TTLL6: variants seen among roughly 807,000 people sequenced by gnomAD.
The protein encoded by TTLL6 is tubulin polyglutamylase TTLL6.
In TTLL6, 75 loss-of-function variants were observed where a neutral mutation model predicts 96.4. The observed-to-expected ratio is 0.78, with a 90% CI of 0.65 to 0.94. TTLL6 has a LOEUF of 0.94. Ranked by LOEUF, TTLL6 falls within the 40% of genes least tolerant of loss-of-function variation. The pLI is 0.00. For synonymous variants in TTLL6, 411 were observed against 419.4 expected (o/e 0.98, Z 0.24); for missense variants, 1,030 against 1,093.0 (o/e 0.94, Z 0.81).
At chr17:48,802,118 GAAAGAAAGAAAGAAAGAAAGAAAGAAAGA>G (rs1567733665) in intron 3 of TTLL6, among the ~76,000 whole-genome samples, 4 of 127,506 alleles carry the variant, frequency 3.1e-5, no homozygotes, top group African/African-American at 1.0e-4. Context: ...AAGAAAGAAA[GAAAGAAAGAAAGAAAGAAAGAAAGAAAGA>G]AAGAAAATAA....
intron 13 of TTLL6, among the ~76,000 whole-genome samples, chr17:48,778,283 GA>G (rs200522144): frequency 0.38 from 43,340 of 114,624 alleles, 6,468 homozygotes; most frequent in Admixed American, 0.48. Context: ...TCTCAAAAAA[GA>G]AAAAAAAAAA....
At chr17:48,815,907 C>A (rs1485775615) in intron 1 of TTLL6, 1 of 152,140 alleles carries the variant, frequency 6.6e-6, no homozygotes, top group Non-Finnish European at 1.5e-5. Context: ...TCATTTTCTC[C>A]ACAATATTCA....
Position 48,791,375 on chromosome 17 carries a change from T to C in TTLL6, c.1224+3A>G. 6.2e-7 allele frequency: 1 copy of C among 1,613,838 alleles called. No individual in the cohort carries two copies. Among genetic ancestry groups the C allele is most frequent in the Non-Finnish European group, 8.5e-7 (1 of 1,179,848 alleles). Reference sequence around the variant, plus strand: ...TTTTCGCCCCTCGCCCAAACTTCCCTACCTCCAGCAGCCAGGGTTTGAGTT... The same window carrying C: ...TTTTCGCCCCTCGCCCAAACTTCCCCACCTCCAGCAGCCAGGGTTTGAGTT... On this transcript the variant is annotated splice_donor_region_variant and intron_variant, in intron 9 of 15. Coordinates refer to ENST00000393382, the MANE Select transcript of TTLL6 (RefSeq NM_001130918.3).
rs142747323 is a variant in TTLL6, at chr17:48,770,033, G to A, written c.2105C>T (p.Pro702Leu). The change falls in exon 14 of 16, where the codon CCG becomes CTG. Residue 702 changes from proline (P) to leucine (L), a missense_variant. By Grantham distance (98) the Pro-to-Leu change is moderately conservative. Transcript: ENST00000393382. ...TTQLSISPKS[P>L]PTLAVTASSE... ...GCTGGCGGTCACAGCCAGGGTTGGC[G>A]GAGACTTTGGGGAGATTGAGAGTTG... 6.2e-5 allele frequency: 100 copies of A among 1,614,156 alleles called. No individual in the cohort carries two copies. In the African/African-American group the frequency reaches 7.2e-4, roughly 12 times the overall value.
At position 48,796,478 on chromosome 17, in the gene TTLL6, G is replaced by A. The variant is rs187043746; in HGVS notation, c.913-332C>T. Among the ~76,000 whole-genome samples the A allele has an allele frequency of 3.3e-5, 5 of 152,170 alleles. No homozygotes were observed. In the East Asian group the frequency reaches 9.7e-4, roughly 29 times the overall value. ...CTACTGAAAATACAAAAATTAGCCG[G>A]GGATGTGGTGCACACCTGTAATCCC... is the stretch of plus-strand genomic sequence containing the variant. On this transcript the variant is annotated intron_variant, in intron 7 of 15. Coordinates refer to ENST00000393382, the MANE Select transcript of TTLL6 (RefSeq NM_001130918.3).
chr17:48,790,220 C>G, intron 9 of TTLL6, 114 bp from the exon 10 acceptor site: 1 of 1,131,010 alleles, frequency 8.8e-7, no homozygotes, highest in East Asian at 2.4e-5. Context: ...GCCCTCACTA[C>G]CAAGATGAAA....
At chr17:48,812,826 A>G (rs568095377) in intron 1 of TTLL6, among the ~76,000 whole-genome samples, 1 of 152,236 alleles carries the variant, frequency 6.6e-6, no homozygotes, top group Non-Finnish European at 1.5e-5. Flanking sequence ...CCTTAGCTAT[A>G]TAACAGAAGT....
At chr17:48,802,016 G>A (rs1195951760) in intron 3 of TTLL6, among the ~76,000 whole-genome samples, 1 of 149,856 alleles carries the variant, frequency 6.7e-6, no homozygotes, top group Non-Finnish European at 1.5e-5. Context: ...CTGCACTTGA[G>A]CCTGGGCAAC....
At chr17:48,792,008 T>TTTTAAGAACTCA in intron 8 of TTLL6, among the ~76,000 whole-genome samples, 1 of 152,298 alleles carries the variant, frequency 6.6e-6, no homozygotes, top group East Asian at 1.9e-4. Context: ...TTAAGAACAC[T>TTTTAAGAACTCA]GATGCCTGGG....
At chr17:48,800,504 C>T (rs1482414616) in intron 5 of TTLL6, among the ~76,000 whole-genome samples, 2 of 152,176 alleles carry the variant, frequency 1.3e-5, no homozygotes, top group Non-Finnish European at 2.9e-5. Flanking sequence ...ATGGCAAATA[C>T]ATTTCCTTCT....
At chr17:48,775,622 A>G (rs2038855122) in intron 13 of TTLL6, among the ~76,000 whole-genome samples, 1 of 151,404 alleles carries the variant, frequency 6.6e-6, no homozygotes, top group Non-Finnish European at 1.5e-5. Context: ...GCTCACCACA[A>G]TCTCTGCCTC....
rs1195512737 is a variant in TTLL6 at position 48,787,917 on chromosome 17, G to A, written c.1483C>T (p.Leu495=). 4.3e-6 allele frequency: 7 copies of A among 1,614,208 alleles called. No individual in the cohort carries two copies. The highest frequency in any genetic ancestry group is 2.2e-5 in the East Asian group (1 of 44,886). The part of the protein sequence containing the change: ...YEKENCGGFR[L]IYPSLNSEKY... ...TCCGAATTCAGACTGGGATAAATCA[G>A]TCGGAACCCTCCACAGTTTTCCTTC... The change falls in exon 11 of 16, where the codon CTG becomes TTG. Residue 495 remains leucine (L), a synonymous_variant. Coordinates refer to ENST00000393382, the MANE Select transcript of TTLL6 (RefSeq NM_001130918.3).
intron 6 of TTLL6, 119 bp from the exon 7 acceptor site, chr17:48,797,323 C>A (rs2039334485): frequency 9.4e-7 from 1 of 1,058,878 alleles, no homozygotes; most frequent in Admixed American, 2.6e-5. Flanking sequence ...TTGTGGAGGG[C>A]AGGCTTGTCC....
intron 1 of TTLL6, among the ~76,000 whole-genome samples, chr17:48,814,641 G>C (rs549471987): frequency 1.1e-4 from 16 of 152,284 alleles, no homozygotes; most frequent in Non-Finnish European, 2.2e-4. Flanking sequence ...GGGTCCACTG[G>C]GACGGGTCCA....
At chr17:48,770,368 G>A (rs1237359705) in intron 13 of TTLL6, among the ~76,000 whole-genome samples, 3 of 152,002 alleles carry the variant, frequency 2.0e-5, no homozygotes, top group African/African-American at 7.3e-5. Flanking sequence ...GGTTAGAATA[G>A]TTTCCTCACC....
At position 48,816,972 on chromosome 17, in the gene TTLL6, G is replaced by T; in HGVS notation, c.101C>A (p.Ala34Glu). 2 of 1,531,964 alleles carry T rather than the reference G, an allele frequency of 1.3e-6. No homozygotes were observed. The highest frequency in any genetic ancestry group is 1.8e-6 in the Non-Finnish European group (2 of 1,141,432). 94.9% of individuals were successfully genotyped at this position (1,531,964 alleles called of 1,614,324 possible). A position where few individuals can be genotyped will look rare whatever the true frequency, so the allele number is the denominator to read the frequency against. ...PAGRDGGVGI[A>E]GAWYFPRASS... ...ACCGGGCTTTGGGGCGCTCTTACCC[G>T]CAATTCCTACTCCCCCGTCTCGCCC... Residue 34 changes from alanine (A) to glutamate (E), a missense_variant and splice_region_variant, in exon 1 of 16, where the codon GCG becomes GAG. Ala to Glu is a moderately radical substitution (Grantham distance 107, BLOSUM62 -1). Transcript: ENST00000393382.
Position 48,791,567 on chromosome 17 carries a change from G to C in TTLL6, c.1035C>G (p.His345Gln), listed in dbSNP as rs371084574. The C allele has an allele frequency of 2.5e-6, 4 of 1,613,972 alleles. No individual in the cohort carries two copies. The highest frequency in any genetic ancestry group is 3.4e-6 in the Non-Finnish European group (4 of 1,179,976). Residue 345 changes from histidine (H) to glutamine (Q), a missense_variant, in exon 9 of 16, where the codon CAC becomes CAG. His to Gln is a conservative substitution (Grantham distance 24). Coordinates refer to ENST00000393382, the MANE Select transcript of TTLL6 (RefSeq NM_001130918.3). ...TCCATATCTGCTCCACGTTGTAGCTGTGGTCCTCCAAGTATGCACTGAAGG... is the reference window on the plus strand; with the variant it reads ...TCCATATCTGCTCCACGTTGTAGCTCTGGTCCTCCAAGTATGCACTGAAGG... ...LSTFSAYLEDHSYNVEQIWRD... is the reference protein window; with the variant it reads ...LSTFSAYLEDQSYNVEQIWRD...
chr17:48,788,614 G>A (rs1475710188), intron 10 of TTLL6, among the ~76,000 whole-genome samples: 1 of 152,204 alleles, frequency 6.6e-6, no homozygotes, highest in Non-Finnish European at 1.5e-5. Context: ...GAGGAGTTTA[G>A]AGATGGCAGG....
chr17:48,793,508 G>A (rs538711216), intron 8 of TTLL6, among the ~76,000 whole-genome samples: 5 of 151,848 alleles, frequency 3.3e-5, no homozygotes, highest in East Asian at 1.9e-4. Flanking sequence ...CAAGAGAATC[G>A]CTTGAATCCG....
Sources: allele counts gnomAD v4.1 joint callset (sites outside exome capture counted in the v4.1 genomes callset), GRCh38; gene constraint gnomAD v4.1.1; transcripts MANE v1.5; gene names NCBI Gene and HGNC (gene_info 2026-07-23, HGNC 2026-07-21).